ZNF804B: variants seen among roughly 807,000 people sequenced by gnomAD.
ZNF804B encodes the protein zinc finger protein 804B, also known as zinc finger 804B.
A neutral mutation model predicts 101.4 loss-of-function variants in ZNF804B; 80 were observed. That is an observed-to-expected ratio of 0.79 (90% CI 0.66 to 0.95). The LOEUF is 0.95. ZNF804B is among the 40% of genes least tolerant of loss of function. The pLI is 0.00. For synonymous variants in ZNF804B, 622 were observed against 558.8 expected (o/e 1.11, Z -1.59); for missense variants, 1,673 against 1,561.9 (o/e 1.07, Z -1.20).
intron 1 of ZNF804B, among the ~76,000 whole-genome samples, chr7:89,036,159 A>G (rs1788923954): frequency 6.6e-6 from 1 of 150,816 alleles, no homozygotes; most frequent in African/African-American, 2.4e-5. Flanking sequence ...TGGGTCATAT[A>G]TAGAGATATA....
intron 1 of ZNF804B, among the ~76,000 whole-genome samples, chr7:89,176,591 C>CTTTCT (rs780648541): frequency 2.8e-5 from 2 of 71,960 alleles, no homozygotes; most frequent in South Asian, 6.0e-4. Context: ...TTCTTTCTTT[C>CTTTCT]TTTTTTTTTT....
chr7:89,211,464 C>G (rs887010488), intron 1 of ZNF804B, among the ~76,000 whole-genome samples: 4 of 152,022 alleles, frequency 2.6e-5, no homozygotes, highest in Admixed American at 2.6e-4. Flanking sequence ...AATGCTATTG[C>G]CTAGATTTTC....
At chr7:88,840,207 C>T (rs1249860635) in intron 1 of ZNF804B, among the ~76,000 whole-genome samples, 1 of 152,148 alleles carries the variant, frequency 6.6e-6, no homozygotes, top group East Asian at 1.9e-4. Context: ...TTCTTTGTCC[C>T]TGTCCATGGC....
intron 2 of ZNF804B, among the ~76,000 whole-genome samples, chr7:89,231,083 C>A (rs28616646): frequency 0.29 from 43,661 of 151,826 alleles, 6,467 homozygotes; most frequent in South Asian, 0.34. Flanking sequence ...ATTTTAGTTT[C>A]CTAATATAGG....
At chr7:89,098,273 T>A (rs927532532) in intron 1 of ZNF804B, among the ~76,000 whole-genome samples, 3 of 20,744 alleles carry the variant, frequency 1.4e-4, no homozygotes, top group Non-Finnish European at 5.7e-4. Context: ...ATCATCATAA[T>A]TTTTTTTTTT....
chr7:89,145,734 T>G (rs1014759), intron 1 of ZNF804B, among the ~76,000 whole-genome samples: 121,225 of 151,872 alleles, frequency 0.8, 48,584 homozygotes, highest in East Asian at 0.91. Context: ...AGTGAGCAGG[T>G]ATGATGCTTT....
At chr7:88,797,233 C>T (rs1029742251) in intron 1 of ZNF804B, among the ~76,000 whole-genome samples, 1 of 151,734 alleles carries the variant, frequency 6.6e-6, no homozygotes, top group Non-Finnish European at 1.5e-5. Context: ...TTTTTACTCA[C>T]TTTAATATGC....
intron 1 of ZNF804B, among the ~76,000 whole-genome samples, chr7:88,877,016 A>ATATATAATATATATATATAT (rs1562820345): frequency 1.6e-4 from 13 of 83,478 alleles, no homozygotes; most frequent in African/African-American, 8.8e-4. Flanking sequence ...AAATATATAT[A>ATATATAATATATATATATAT]TATATATATA....
chr7:89,221,649 C>A (rs1488364415), intron 2 of ZNF804B, among the ~76,000 whole-genome samples: 1 of 151,712 alleles, frequency 6.6e-6, no homozygotes, highest in Non-Finnish European at 1.5e-5. Context: ...AATCTTATTT[C>A]TATTAGCTAT....
rs555634278 is a variant in ZNF804B at position 88,818,206 on chromosome 7, A to G, written c.108+58122A>G. On this transcript the variant is annotated intron_variant, in intron 1 of 3. Coordinates refer to ENST00000333190, the MANE Select transcript of ZNF804B (RefSeq NM_181646.5). ...AAATGTCCATGAAGCATAACATTAT[A>G]TCAACTTCATGAGCTATTAAACTTA... is the stretch of plus-strand genomic sequence containing the variant. 3.3e-5 allele frequency among the ~76,000 whole-genome samples: 5 copies of G among 152,320 alleles called. No homozygotes were observed. In the South Asian group the frequency reaches 8.3e-4, roughly 25 times the overall value.
rs149738780 is a variant in ZNF804B, at chr7:89,033,574, G to A, written c.109-184581G>A. Among the ~76,000 whole-genome samples the A allele has an allele frequency of 4.9e-3, 750 of 151,934 alleles. 9 individuals carry two copies. Among genetic ancestry groups the A allele is most frequent in the African/African-American group, 0.017 (708 of 41,446 alleles). ...AATTAATGTACTGACTTAAATTCCC[G>A]CCAACAGTGTACAAGCAAAACCCTC... On this transcript the variant is annotated intron_variant, in intron 1 of 3. Coordinates refer to ENST00000333190, the MANE Select transcript of ZNF804B (RefSeq NM_181646.5).
At chr7:89,166,849 A>G (rs1791151832) in intron 1 of ZNF804B, among the ~76,000 whole-genome samples, 1 of 152,198 alleles carries the variant, frequency 6.6e-6, no homozygotes, top group Non-Finnish European at 1.5e-5. Context: ...GGAGAGGGTT[A>G]TGAAATTATT....
chr7:89,068,509 AC>A (rs1408857403), intron 1 of ZNF804B, among the ~76,000 whole-genome samples: 1 of 152,170 alleles, frequency 6.6e-6, no homozygotes, highest in Non-Finnish European at 1.5e-5. Context: ...CTAAAAAGAA[AC>A]ACATGATGTT....
At chr7:89,156,598 C>G (rs1436366370) in intron 1 of ZNF804B, among the ~76,000 whole-genome samples, 2 of 152,070 alleles carry the variant, frequency 1.3e-5, no homozygotes, top group African/African-American at 2.4e-5. Context: ...ATGCCAGGAA[C>G]ATAGCAGGTG....
intron 2 of ZNF804B, among the ~76,000 whole-genome samples, chr7:89,283,573 C>A (rs958107412): frequency 5.9e-5 from 9 of 152,220 alleles, no homozygotes; most frequent in African/African-American, 2.2e-4. Flanking sequence ...TGCTGTGTCA[C>A]TTTTTGTTGT....
chr7:88,983,886 C>T (rs943610614), intron 1 of ZNF804B, among the ~76,000 whole-genome samples: 30 of 151,924 alleles, frequency 2.0e-4, no homozygotes, highest in African/African-American at 7.0e-4. Flanking sequence ...TTATTATTTG[C>T]TCTTGTATCT....
At chr7:88,778,336 T>C (rs1790175812) in intron 1 of ZNF804B, among the ~76,000 whole-genome samples, 1 of 152,178 alleles carries the variant, frequency 6.6e-6, no homozygotes, top group South Asian at 2.1e-4. Flanking sequence ...CCCACTTGGA[T>C]AAGCCAGGAT....
intron 1 of ZNF804B, among the ~76,000 whole-genome samples, chr7:88,984,571 C>T (rs1793734145): frequency 6.6e-6 from 1 of 151,880 alleles, no homozygotes; most frequent in Non-Finnish European, 1.5e-5. Context: ...TCTGAATAGC[C>T]CTTTTTTCTC....
At chr7:88,894,517 A>G (rs1792258439) in intron 1 of ZNF804B, among the ~76,000 whole-genome samples, 1 of 152,106 alleles carries the variant, frequency 6.6e-6, no homozygotes, top group Non-Finnish European at 1.5e-5. Context: ...TGGCCCAATC[A>G]TACGCTATTA....
Sources: allele counts gnomAD v4.1 joint callset (sites outside exome capture counted in the v4.1 genomes callset), GRCh38; gene constraint gnomAD v4.1.1; transcripts MANE v1.5; gene names NCBI Gene and HGNC (gene_info 2026-07-23, HGNC 2026-07-21).